Variants in VAC14 observed in about 807,000 individuals in gnomAD.
VAC14 encodes the protein protein VAC14 homolog.
A neutral mutation model predicts 85.3 loss-of-function variants in VAC14; 47 were observed. The ratio of observed to expected loss-of-function variants is 0.55; its 90% confidence interval spans 0.44 to 0.70. VAC14 has a LOEUF of 0.70. VAC14 is among the 30% of genes least tolerant of loss of function. VAC14 has a pLI of 0.00. For missense variants in VAC14, 861 were observed against 1,004.3 expected, an observed-to-expected ratio of 0.86 and a Z score of 1.93; for synonymous variants, 447 against 430.5, an observed-to-expected ratio of 1.04 and a Z score of -0.47.
intron 12 of VAC14, among the ~76,000 whole-genome samples, chr16:70,749,807 A>AG (rs2031231408): frequency 1.3e-5 from 2 of 152,196 alleles, no homozygotes; most frequent in African/African-American, 4.8e-5. Flanking sequence ...GACTCAGCCC[A>AG]GGGGGTGACC....
chr16:70,782,448 G>C (rs1420461789), intron 7 of VAC14, among the ~76,000 whole-genome samples: 1 of 152,236 alleles, frequency 6.6e-6, no homozygotes, highest in East Asian at 1.9e-4. Flanking sequence ...AGGCTAGCCT[G>C]CTGGACGATG....
chr16:70,758,746 C>T (rs912544260), intron 12 of VAC14, among the ~76,000 whole-genome samples: 14 of 152,188 alleles, frequency 9.2e-5, no homozygotes, highest in Non-Finnish European at 1.2e-4. Context: ...GCAGTGAGCA[C>T]GCACCCTGCA....
chr16:70,695,095 C>T (rs1436583810), intron 17 of VAC14, among the ~76,000 whole-genome samples: 2 of 150,438 alleles, frequency 1.3e-5, no homozygotes, highest in Non-Finnish European at 3.0e-5. Context: ...GCCTTGCAGG[C>T]CTATCATCCC....
chr16:70,762,674 T>G lies in VAC14; in HGVS notation c.1306-69A>C, dbSNP rs1473600527. On this transcript the variant is annotated intron_variant, in intron 11 of 18. Coordinates refer to ENST00000261776, the MANE Select transcript of VAC14 (RefSeq NM_018052.5). This position sits in a 1 kb window ranked among gnomAD's most constrained non-coding sequence, Gnocchi z 4.1. ...CCCCGGGACTACGTGCAGTGCAGTG[T>G]CCCGCTGGTGTGCACGGACCCACTG... is the stretch of plus-strand genomic sequence containing the variant. 2 of 1,562,882 alleles carry G rather than the reference T, an allele frequency of 1.3e-6. No individual in the cohort carries two copies. The highest frequency in any genetic ancestry group is 1.8e-6 in the Non-Finnish European group (2 of 1,139,654).
chr16:70,710,962 C>T (rs2054020654), intron 14 of VAC14, among the ~76,000 whole-genome samples: 1 of 152,260 alleles, frequency 6.6e-6, no homozygotes, highest in Non-Finnish European at 1.5e-5. Flanking sequence ...CCAGGGGCTG[C>T]CATTCTGGTT....
chr16:70,788,156 G>A (rs1372819990), intron 1 of VAC14, among the ~76,000 whole-genome samples: 2 of 152,246 alleles, frequency 1.3e-5, no homozygotes, highest in African/African-American at 4.8e-5. Context: ...TGTGGTTCCA[G>A]CTCAGGAGCT....
chr16:70,723,220 T>C (rs2054338727), intron 14 of VAC14, among the ~76,000 whole-genome samples: 1 of 147,190 alleles, frequency 6.8e-6, no homozygotes, highest in Non-Finnish European at 1.5e-5. Context: ...AGACCCTGTC[T>C]CAAAAGAAAA....
chr16:70,785,617 G>A, intron 3 of VAC14, 85 bp downstream of exon 3: 1 of 1,451,196 alleles, frequency 6.9e-7, no homozygotes, highest in Non-Finnish European at 9.2e-7. Flanking sequence ...CTTGCATCTG[G>A]GAAAAGGGGT....
chr16:70,791,184 T>G (rs1275208775), intron 1 of VAC14, among the ~76,000 whole-genome samples: 1 of 152,160 alleles, frequency 6.6e-6, no homozygotes, highest in Admixed American at 6.5e-5. Context: ...CTGCCCACTC[T>G]CTAGAAAAGC....
At chr16:70,778,703 G>A (rs2033649463) in intron 9 of VAC14, 1 of 152,146 alleles carries the variant, frequency 6.6e-6, no homozygotes, top group Non-Finnish European at 1.5e-5. Context: ...CAGAGCAGAA[G>A]GTGAAGCTGT....
At chr16:70,694,778 G>T (rs946719625) in intron 17 of VAC14, among the ~76,000 whole-genome samples, 7 of 152,234 alleles carry the variant, frequency 4.6e-5, no homozygotes, top group African/African-American at 1.7e-4. Context: ...CATTCAGCCT[G>T]GGTGTTACTA....
intron 14 of VAC14, among the ~76,000 whole-genome samples, chr16:70,710,256 AC>A (rs2054002858): frequency 6.6e-6 from 1 of 151,844 alleles, no homozygotes; most frequent in African/African-American, 2.4e-5. Flanking sequence ...AGGGACACAG[AC>A]CTCCCTTCCC....
chr16:70,745,516 TGTGC>T (rs2030797548), intron 12 of VAC14, among the ~76,000 whole-genome samples: 1 of 141,852 alleles, frequency 7.0e-6, no homozygotes. Context: ...TGTGTGTGTG[TGTGC>T]GCGTGTGCGC....
chr16:70,764,890 C>G (rs1327194624), intron 10 of VAC14, among the ~76,000 whole-genome samples: 1 of 152,190 alleles, frequency 6.6e-6, no homozygotes, highest in Non-Finnish European at 1.5e-5. Context: ...TAGCCACTCC[C>G]TTAGCTGACG....
intron 12 of VAC14, among the ~76,000 whole-genome samples, chr16:70,750,429 C>T (rs2031286155): frequency 6.6e-6 from 1 of 152,112 alleles, no homozygotes; most frequent in Non-Finnish European, 1.5e-5. Flanking sequence ...GGAGCGCCTG[C>T]CGTTACCATG....
chr16:70,777,579 A>G (rs1419356654), intron 9 of VAC14, among the ~76,000 whole-genome samples: 2 of 152,224 alleles, frequency 1.3e-5, no homozygotes, highest in African/African-American at 4.8e-5. Context: ...GGGAAACGGC[A>G]CTGTGCTGTG....
intron 14 of VAC14, among the ~76,000 whole-genome samples, chr16:70,725,267 CAG>C (rs2054394498): frequency 1.3e-5 from 2 of 152,238 alleles, no homozygotes; most frequent in East Asian, 1.9e-4. Flanking sequence ...CAGGGGATGA[CAG>C]AGCCTGATGT....
intron 14 of VAC14, chr16:70,699,816 G>A (rs1297857600): frequency 1.3e-5 from 2 of 152,370 alleles, no homozygotes; most frequent in African/African-American, 2.4e-5. Context: ...CATGAGCGGG[G>A]TGGCTGGTGA....
chr16:70,713,166 C>T (rs901583180), intron 14 of VAC14, among the ~76,000 whole-genome samples: 19 of 152,352 alleles, frequency 1.2e-4, no homozygotes, highest in Admixed American at 1.2e-3. Flanking sequence ...AAAGGCCTGG[C>T]TCCACTTTGA....
Sources: gnomAD v4.1 joint callset for allele counts (sites outside exome capture counted in the v4.1 genomes callset) on GRCh38, gnomAD v4.1.1 for gene constraint, Gnocchi (gnomAD v3.1) non-coding constraint, MANE v1.5 for transcripts, NCBI Gene and HGNC (gene_info 2026-07-23, HGNC 2026-07-21) for gene names.